The following THRA variants were observed in gnomAD, a reference collection of about 807,000 sequenced individuals.
THRA encodes thyroid hormone receptor alpha.
Under a neutral mutation model 45.0 loss-of-function variants are expected in THRA, and 13 were observed. The observed-to-expected ratio is 0.29, with a 90% CI of 0.19 to 0.46. The LOEUF (loss-of-function observed/expected upper bound fraction) is 0.46. Among genes scored for constraint, THRA ranks in the 20% least tolerant of loss-of-function variants. The pLI is 1.00. For synonymous variants in THRA, 195 were observed against 214.0 expected, an observed-to-expected ratio of 0.91 and a Z score of 0.78; for missense variants, 278 against 556.1, an observed-to-expected ratio of 0.50 and a Z score of 5.03.
intron 1 of THRA, among the ~76,000 whole-genome samples, chr17:40,069,520 G>T (rs763995982): frequency 6.6e-6 from 1 of 152,048 alleles, no homozygotes; most frequent in Non-Finnish European, 1.5e-5. Flanking sequence ...TGCAGCAAGT[G>T]CCTTGGCCCC....
chr17:40,079,148 G>C lies in THRA; in HGVS notation c.222+1540G>C, dbSNP rs144128501. Among the ~76,000 whole-genome samples, 6 of 152,182 alleles carry C rather than the reference G, an allele frequency of 3.9e-5. No individual in the cohort carries two copies. In the South Asian group the frequency reaches 8.3e-4, roughly 21 times the overall value. ...ACCTGAAAGAGCGAGAGCCAGTACTGGGGGGGTAGTGGGAGCTGGGAGCAC... is the reference window on the plus strand; with the variant it reads ...ACCTGAAAGAGCGAGAGCCAGTACTCGGGGGGTAGTGGGAGCTGGGAGCAC... On this transcript the variant is annotated intron_variant, in intron 4 of 8. Transcript: ENST00000450525.
At chr17:40,081,791 C>G (rs1247768206) in intron 4 of THRA, among the ~76,000 whole-genome samples, 1 of 151,548 alleles carries the variant, frequency 6.6e-6, no homozygotes, top group African/African-American at 2.4e-5. Flanking sequence ...TGGTGAAACC[C>G]CATCTCTATA....
Position 40,092,937 on chromosome 17 carries a change from CA to C in THRA, c.*3482del, listed in dbSNP as rs1880018277. The C allele has an allele frequency of 2.0e-6, 3 of 1,528,096 alleles. No individual in the cohort carries two copies. The highest frequency in any genetic ancestry group is 1.4e-5 in the African/African-American group (1 of 71,896). 94.7% of individuals were successfully genotyped at this position (1,528,096 alleles called of 1,614,324 possible). Reference sequence around the variant, plus strand: ...GGAGGCAGGTATTTACAAGAAGGCTCAGGGGGCCAGAGGCTCATCTTGGAAT... The same window carrying C: ...GGAGGCAGGTATTTACAAGAAGGCTCGGGGGCCAGAGGCTCATCTTGGAAT... On this transcript the variant is annotated 3_prime_UTR_variant, in exon 9 of 9. Coordinates refer to ENST00000450525, the MANE Select transcript of THRA (RefSeq NM_199334.5).
intron 1 of THRA, among the ~76,000 whole-genome samples, chr17:40,065,085 CAA>C (rs1412598660): frequency 1.3e-5 from 2 of 150,262 alleles, no homozygotes; most frequent in Non-Finnish European, 3.0e-5. Context: ...GACAGAGAAA[CAA>C]GAGCAAAGAC....
At chr17:40,075,656 C>T (rs1986927196) in intron 2 of THRA, among the ~76,000 whole-genome samples, 1 of 152,182 alleles carries the variant, frequency 6.6e-6, no homozygotes, top group Non-Finnish European at 1.5e-5. Context: ...ACTGCAACCC[C>T]TCCCCCATCA....
At chr17:40,087,789 C>T (rs1374550323) in intron 7 of THRA, among the ~76,000 whole-genome samples, 10 of 152,026 alleles carry the variant, frequency 6.6e-5, no homozygotes. Flanking sequence ...GACAGATTTT[C>T]GTTCTGTCAC....
chr17:40,084,895 A>C, intron 6 of THRA, 80 bp downstream of exon 6: 1 of 1,521,738 alleles, frequency 6.6e-7, no homozygotes, highest in Admixed American at 1.8e-5. Context: ...TGCCTCCTCC[A>C]GGAAGTCTTC....
Position 40,091,085 on chromosome 17 carries a change from G to C in THRA, c.*1629G>C, listed in dbSNP as rs1445017506. ...CGGCAGGGATGGATGGGTGGACACA[G>C]ATGCCCCCGGAAGCCATGGGGATTG... On this transcript the variant is annotated 3_prime_UTR_variant, in exon 9 of 9. Transcript: ENST00000450525. 2 of 139,938 alleles carry C rather than the reference G, an allele frequency of 1.4e-5. No individual in the cohort carries two copies. Among genetic ancestry groups the C allele is most frequent in the Non-Finnish European group, 3.1e-5 (2 of 64,010 alleles). The allele number at this position is 139,938 out of a possible 1,614,324, so 8.7% of individuals were successfully genotyped here. A position where few individuals can be genotyped will look rare whatever the true frequency, so the allele number is the denominator to read the frequency against.
intron 1 of THRA, among the ~76,000 whole-genome samples, chr17:40,073,942 T>C (rs181658271): frequency 6.6e-6 from 1 of 152,276 alleles, no homozygotes; most frequent in Non-Finnish European, 1.5e-5. Flanking sequence ...ACATATTACT[T>C]AGTACATGAA....
At position 40,086,985 on chromosome 17, in the gene THRA, C is replaced by T. The variant is rs192691962; in HGVS notation, c.723+132C>T. The T allele has an allele frequency of 3.6e-5, 42 of 1,179,236 alleles. No individual in the cohort carries two copies. In the African/African-American group the frequency reaches 5.7e-4, roughly 16 times the overall value. 73.0% of individuals were successfully genotyped at this position (1,179,236 alleles called of 1,614,324 possible). A position where few individuals can be genotyped will look rare whatever the true frequency, so the allele number is the denominator to read the frequency against. On this transcript the variant is annotated intron_variant, in intron 7 of 8. Transcript: ENST00000450525. ...CCTGTAGGTCAACATACACAGATAA[C>T]ATACACAGACACACACACACACATG...
intron 7 of THRA, among the ~76,000 whole-genome samples, chr17:40,087,900 A>G (rs12453017): frequency 0.23 from 35,513 of 152,154 alleles, 5,144 homozygotes; most frequent in Middle Eastern, 0.39. Flanking sequence ...CTGGGACTAC[A>G]GGCATGTGCC....
intron 1 of THRA, chr17:40,069,099 TCTCTCTCCCTCCCTCC>T: frequency 7.6e-6 from 1 of 131,422 alleles, no homozygotes; most frequent in Admixed American, 7.8e-5. Flanking sequence ...TCCCTCCCTC[TCTCTCTCCCTCCCTCC>T]CTTCCTCTTC....
At chr17:40,086,297 C>G (rs888951583) in intron 6 of THRA, among the ~76,000 whole-genome samples, 7 of 152,148 alleles carry the variant, frequency 4.6e-5, no homozygotes, top group African/African-American at 1.7e-4. Context: ...AAGTTCAAAC[C>G]CTGGTCCTAC....
In THRA at chr17:40,083,860, A is replaced by G; in HGVS notation, c.248A>G (p.Lys83Arg). The G allele has an allele frequency of 1.9e-6, 3 of 1,612,864 alleles. No homozygotes were observed. The highest frequency in any genetic ancestry group is 2.5e-6 in the Non-Finnish European group (3 of 1,179,318). ...CKGFFRRTIQKNLHPTYSCKY... is the reference protein window; with the variant it reads ...CKGFFRRTIQRNLHPTYSCKY... ...GGCTTCTTTCGCCGCACAATCCAGA[A>G]GAACCTCCATCCCACCTATTCCTGC... The change falls in exon 5 of 9, where the codon AAG becomes AGG. Residue 83 changes from lysine to arginine, a missense_variant. This residue lies in a region of THRA where 111 missense variants were observed against 167.1 expected (regional missense o/e 0.66). Transcript: ENST00000450525.
In THRA at chr17:40,066,663, CAAAAAA is replaced by C. The variant is rs553082902; in HGVS notation, c.-298+3587_-298+3592del. On this transcript the variant is annotated intron_variant, in intron 1 of 8. Coordinates refer to ENST00000450525, the MANE Select transcript of THRA (RefSeq NM_199334.5). Reference sequence around the variant, plus strand: ...TGGGTGACAGAGCGAGACTCCGTCTCAAAAAAAAAAAAAAAAAAAAAGAAAAACAAA... The same window carrying C: ...TGGGTGACAGAGCGAGACTCCGTCTCAAAAAAAAAAAAAAAGAAAAACAAA... 6.1e-5 allele frequency among the ~76,000 whole-genome samples: 3 copies of C among 49,524 alleles called. No homozygotes were observed. The South Asian group carries it at 2.4e-3, about 40-fold the overall frequency. The allele number at this position is 49,524 out of a possible 152,430, so 32.5% of individuals were successfully genotyped here. A position where few individuals can be genotyped will look rare whatever the true frequency, so the allele number is the denominator to read the frequency against.
intron 1 of THRA, among the ~76,000 whole-genome samples, chr17:40,064,126 G>A (rs546586822): frequency 1.3e-5 from 2 of 152,242 alleles, no homozygotes; most frequent in African/African-American, 4.8e-5. Flanking sequence ...AGGAGCTACT[G>A]GACACACCCA....
At position 40,089,901 on chromosome 17, in the gene THRA, C is replaced by T; in HGVS notation, c.*445C>T. On this transcript the variant is annotated 3_prime_UTR_variant, in exon 9 of 9. Transcript: ENST00000450525. The surrounding 1 kb of genome is among the most constrained non-coding windows in gnomAD (Gnocchi z 6.1). Reference sequence around the variant, plus strand: ...TCTCCCCTCCAGGCTGAGGGCCTCTCTACTTCCCCAGATGCCTGGGTGCAA... The same window carrying T: ...TCTCCCCTCCAGGCTGAGGGCCTCTTTACTTCCCCAGATGCCTGGGTGCAA... 1.0e-6 allele frequency: 1 copy of T among 998,930 alleles called. No individual in the cohort carries two copies. The highest frequency in any genetic ancestry group is 1.2e-6 in the Non-Finnish European group (1 of 838,190). 61.9% of individuals were successfully genotyped at this position (998,930 alleles called of 1,614,324 possible). A position where few individuals can be genotyped will look rare whatever the true frequency, so the allele number is the denominator to read the frequency against.
At chr17:40,066,493 A>G (rs1383867103) in intron 1 of THRA, among the ~76,000 whole-genome samples, 2 of 151,924 alleles carry the variant, frequency 1.3e-5, no homozygotes, top group African/African-American at 4.8e-5. Context: ...GTGAAACCCC[A>G]TCTCTACTAA....
Position 40,074,282 on chromosome 17 carries a change from GCCACTCCCTGGCCCCTCCCACCGC to G in THRA, c.-204_-181del. On this transcript the variant is annotated 5_prime_UTR_variant, in exon 2 of 9. Coordinates refer to ENST00000450525, the MANE Select transcript of THRA (RefSeq NM_199334.5). ...CAGCTTGCCCCCAGCCCTCCCACCT[GCCACTCCCTGGCCCCTCCCACCGC>G]CCGCCCCCCTTGGGGCGCAGGGCAT... The G allele has an allele frequency of 1.7e-6, 1 of 588,906 alleles. No homozygotes were observed. Among genetic ancestry groups the G allele is most frequent in the Non-Finnish European group, 3.0e-6 (1 of 329,974 alleles). The allele number at this position is 588,906 out of a possible 1,614,324, so 36.5% of individuals were successfully genotyped here.
Sources: allele counts gnomAD v4.1 joint callset (sites outside exome capture counted in the v4.1 genomes callset), GRCh38; gene constraint gnomAD v4.1.1; regional missense constraint gnomAD v4.1.1; non-coding constraint Gnocchi (gnomAD v3.1); transcripts MANE v1.5; gene names NCBI Gene and HGNC (gene_info 2026-07-23, HGNC 2026-07-21).